RANBP2: variants seen among roughly 807,000 people sequenced by gnomAD.
The protein encoded by RANBP2 is E3 SUMO-protein ligase RanBP2.
RANBP2 carries 57 observed loss-of-function variants against 303.6 expected under a neutral mutation model. The observed-to-expected ratio is 0.19, with a 90% confidence interval of 0.15 to 0.23. RANBP2 has a LOEUF of 0.23. Among genes scored for constraint, RANBP2 ranks in the 10% least tolerant of loss-of-function variants. The pLI, the probability that RANBP2 is intolerant of heterozygous loss-of-function variation, is 1.00. For synonymous variants in RANBP2, 1,167 were observed against 1,301.5 expected, an observed-to-expected ratio of 0.90 and a Z score of 2.23; for missense variants, 3,138 against 3,780.8, an observed-to-expected ratio of 0.83 and a Z score of 4.46.
the RANBP2 span, among the ~76,000 whole-genome samples, chr2:108,880,380 A>G: frequency 6.6e-6 from 1 of 152,170 alleles, no homozygotes; most frequent in African/African-American, 2.4e-5. Flanking sequence ...ATCCTATTCA[A>G]AATCCTAACA....
the RANBP2 span, among the ~76,000 whole-genome samples, chr2:109,423,264 G>A: frequency 6.6e-6 from 1 of 152,130 alleles, no homozygotes; most frequent in East Asian, 1.9e-4. Context: ...ATCCTCCCCT[G>A]CTGAGGTGCA....
At chr2:109,651,295 G>C in the RANBP2 span, among the ~76,000 whole-genome samples, 1 of 152,106 alleles carries the variant, frequency 6.6e-6, no homozygotes, top group Non-Finnish European at 1.5e-5. Flanking sequence ...TGTAGGGCTT[G>C]GCTCCTAGAT....
chr2:108,803,770 A>AAAAGAAACTGT, the RANBP2 span, among the ~76,000 whole-genome samples: 3 of 152,112 alleles, frequency 2.0e-5, no homozygotes, highest in Non-Finnish European at 4.4e-5. Context: ...CACAGTTGTC[A>AAAAGAAACTGT]GTTAGTTGTT....
intron 19 of RANBP2, among the ~76,000 whole-genome samples, chr2:108,762,486 TG>T (rs1338254817): frequency 2.7e-5 from 2 of 73,492 alleles, no homozygotes; most frequent in African/African-American, 1.1e-4. Context: ...ACCCACTATG[TG>T]GTAAGTACTT....
At chr2:108,831,563 CTG>C in the RANBP2 span, among the ~76,000 whole-genome samples, 2 of 152,118 alleles carry the variant, frequency 1.3e-5, no homozygotes, top group Non-Finnish European at 1.5e-5. Context: ...TGTGAAGAAA[CTG>C]AAAGTCAGAT....
At chr2:109,272,217 T>C in the RANBP2 span, among the ~76,000 whole-genome samples, 1 of 152,198 alleles carries the variant, frequency 6.6e-6, no homozygotes, top group Non-Finnish European at 1.5e-5. Context: ...TCTGACAGCC[T>C]TTTTCCTAGT....
chr2:109,571,662 G>A, the RANBP2 span, among the ~76,000 whole-genome samples: 1 of 152,172 alleles, frequency 6.6e-6, no homozygotes, highest in Non-Finnish European at 1.5e-5. Flanking sequence ...TGCACTGCAA[G>A]ACTGTCCTAC....
In RANBP2 at chr2:108,766,432, G is replaced by T. The variant is rs1442494840; in HGVS notation, c.5893G>T (p.Asp1965Tyr). 3 of 1,611,940 alleles carry T rather than the reference G, an allele frequency of 1.9e-6. No individual in the cohort carries two copies. Among genetic ancestry groups the T allele is most frequent in the South Asian group, 1.1e-5 (1 of 90,988 alleles). ...AGAAGGATTTCAGTTTGGCAAAAAA[G>T]ACCCCAATTTCAAGGGATTTTCAGG... ...SGEGFQFGKK[D>Y]PNFKGFSGAG... The change falls in exon 20 of 29, where the codon GAC (aspartate) becomes TAC (tyrosine). Residue 1965 changes from aspartate (D) to tyrosine (Y), a missense_variant. This residue lies in a region of RANBP2 where 348 missense variants were observed against 360.4 expected (regional missense o/e 0.97). Coordinates refer to ENST00000283195, the MANE Select transcript of RANBP2 (RefSeq NM_006267.5).
At chr2:108,719,732 G>C (rs1191498515) in intron 1 of RANBP2, 54 bp downstream of exon 1, 1 of 1,551,686 alleles carries the variant, frequency 6.4e-7, no homozygotes, top group African/African-American at 1.4e-5. Context: ...CGGCGGCCTC[G>C]CGCTGCTCAG....
chr2:108,919,711 G>C, the RANBP2 span, among the ~76,000 whole-genome samples: 1 of 152,178 alleles, frequency 6.6e-6, no homozygotes, highest in Non-Finnish European at 1.5e-5. Flanking sequence ...AGGCTCTGGG[G>C]TGCCTTCTCG....
downstream of RANBP2, among the ~76,000 whole-genome samples, chr2:108,788,386 C>T (rs1483145779): frequency 6.6e-6 from 1 of 150,870 alleles, no homozygotes; most frequent in African/African-American, 2.4e-5. Context: ...CGCCACTACA[C>T]TCCAGCCTGG....
the RANBP2 span, among the ~76,000 whole-genome samples, chr2:109,550,474 T>C: frequency 2.6e-5 from 4 of 151,650 alleles, no homozygotes; most frequent in Admixed American, 6.6e-5. Context: ...CCACCATGCC[T>C]GGCTAATTTT....
the RANBP2 span, among the ~76,000 whole-genome samples, chr2:109,214,959 G>C: frequency 2.0e-5 from 3 of 152,246 alleles, no homozygotes; most frequent in Admixed American, 2.0e-4. Context: ...GAGGAGAGAA[G>C]GGGCACGTCG....
the RANBP2 span, among the ~76,000 whole-genome samples, chr2:109,363,306 TA>T: frequency 1.3e-5 from 2 of 152,184 alleles, no homozygotes; most frequent in Non-Finnish European, 2.9e-5. Flanking sequence ...CACTTTCAAA[TA>T]ACTGTGCTGC....
At chr2:109,333,013 G>A in the RANBP2 span, among the ~76,000 whole-genome samples, 1 of 152,224 alleles carries the variant, frequency 6.6e-6, no homozygotes, top group Non-Finnish European at 1.5e-5. Context: ...TCATGTATTC[G>A]TCTTCGGCAG....
the RANBP2 span, among the ~76,000 whole-genome samples, chr2:109,203,388 G>A: frequency 6.6e-6 from 1 of 152,232 alleles, no homozygotes; most frequent in African/African-American, 2.4e-5. Flanking sequence ...GGCCTTGGGA[G>A]GGTGTTTCCG....
chr2:109,722,842 T>C, the RANBP2 span, among the ~76,000 whole-genome samples: 1 of 152,254 alleles, frequency 6.6e-6, no homozygotes, highest in Non-Finnish European at 1.5e-5. Flanking sequence ...TAGTACTCCA[T>C]GGTGTATATG....
the RANBP2 span, among the ~76,000 whole-genome samples, chr2:109,719,199 T>C: frequency 1.4e-5 from 2 of 143,242 alleles, no homozygotes; most frequent in East Asian, 2.2e-4. Context: ...CAGGTTCAAG[T>C]GATTCTCCTG....
intron 4 of RANBP2, 58 bp from the exon 5 acceptor site, chr2:108,735,474 C>G (rs1028852816): frequency 6.3e-7 from 1 of 1,597,274 alleles, no homozygotes. Context: ...GGGAGCATGA[C>G]TTGTTTAAAA....
Sources: allele counts gnomAD v4.1 joint callset (sites outside exome capture counted in the v4.1 genomes callset), GRCh38; gene constraint gnomAD v4.1.1; regional missense constraint gnomAD v4.1.1; transcripts MANE v1.5; gene names NCBI Gene and HGNC (gene_info 2026-07-23, HGNC 2026-07-21).